Variants in DAPK1 observed in about 807,000 individuals in gnomAD.
DAPK1 encodes the protein death associated protein kinase 1.
Under a neutral mutation model 144.9 loss-of-function variants are expected in DAPK1, and 56 were observed. The observed-to-expected ratio is 0.39, with a 90% CI of 0.31 to 0.48. The LOEUF (loss-of-function observed/expected upper bound fraction) is 0.48, where lower values mean the gene tolerates loss of function less well. Among genes scored for constraint, DAPK1 ranks in the 20% least tolerant of loss-of-function variants. The pLI is 0.95. For synonymous variants in DAPK1, 690 were observed against 749.0 expected (o/e 0.92, Z 1.29); for missense variants, 1,454 against 1,875.4 (o/e 0.78, Z 4.15).
chr9:87,519,838 G>T (rs1443858824), intron 2 of DAPK1, among the ~76,000 whole-genome samples: 1 of 152,126 alleles, frequency 6.6e-6, no homozygotes, highest in Non-Finnish European at 1.5e-5. Context: ...GTAGGGGTGG[G>T]AGGGAAGCCA....
intron 18 of DAPK1, chr9:87,667,921 T>C (rs1028370702): frequency 6.6e-6 from 1 of 152,514 alleles, no homozygotes; most frequent in Non-Finnish European, 1.5e-5. Context: ...CGAGCACATA[T>C]TATGAGGTGG....
At chr9:87,643,497 C>G in intron 11 of DAPK1, 29 bp downstream of exon 11, 1 of 1,415,504 alleles carries the variant, frequency 7.1e-7, no homozygotes, top group South Asian at 1.2e-5. Flanking sequence ...CCTGGTGCTC[C>G]TTTCTTAGCA....
chr9:87,536,584 G>C (rs1373644657), intron 2 of DAPK1, among the ~76,000 whole-genome samples: 2 of 151,840 alleles, frequency 1.3e-5, no homozygotes, highest in Non-Finnish European at 1.5e-5. Flanking sequence ...AAAAATTAAA[G>C]CACTTAAAAT....
At chr9:87,543,675 A>G (rs1329550607) in intron 2 of DAPK1, among the ~76,000 whole-genome samples, 1 of 152,228 alleles carries the variant, frequency 6.6e-6, no homozygotes, top group African/African-American at 2.4e-5. Flanking sequence ...ACTTGGGAAA[A>G]ATGTAAAAGA....
In DAPK1 at chr9:87,641,946, T is replaced by C. The variant is rs1349692940; in HGVS notation, c.829-23T>C. Reference sequence around the variant, plus strand: ...TTTCATAATTTGAGAGCTTTAATTTTTTTTCTTGGATTTTTATTTTAGCCT... The same window carrying C: ...TTTCATAATTTGAGAGCTTTAATTTCTTTTCTTGGATTTTTATTTTAGCCT... On this transcript the variant is annotated intron_variant, in intron 9 of 25. Coordinates refer to ENST00000408954, the MANE Select transcript of DAPK1 (RefSeq NM_004938.4). The C allele has an allele frequency of 1.9e-6, 3 of 1,588,826 alleles. No individual in the cohort carries two copies. In the Admixed American group the frequency reaches 5.3e-5, roughly 28 times the overall value.
intron 3 of DAPK1, among the ~76,000 whole-genome samples, chr9:87,607,137 G>A (rs1828761597): frequency 6.6e-6 from 1 of 152,094 alleles, no homozygotes; most frequent in Non-Finnish European, 1.5e-5. Flanking sequence ...ACTTGCTTAG[G>A]GTACAACAGA....
chr9:87,526,245 A>G (rs550727987), intron 2 of DAPK1, among the ~76,000 whole-genome samples: 4 of 152,332 alleles, frequency 2.6e-5, no homozygotes, highest in Non-Finnish European at 5.9e-5. Flanking sequence ...ATGCATAGTC[A>G]TGGAACTACT....
intron 3 of DAPK1, among the ~76,000 whole-genome samples, chr9:87,605,849 G>T (rs894922073): frequency 1.3e-5 from 2 of 152,080 alleles, no homozygotes; most frequent in African/African-American, 4.8e-5. Context: ...TGCTGAGTGG[G>T]GCCCCACTCC....
At chr9:87,624,709 G>A (rs905454135) in intron 3 of DAPK1, among the ~76,000 whole-genome samples, 1 of 152,188 alleles carries the variant, frequency 6.6e-6, no homozygotes, top group Non-Finnish European at 1.5e-5. Context: ...GACTGACCTC[G>A]AGTCAGCTTT....
At chr9:87,499,212 C>G in intron 2 of DAPK1, 73 bp downstream of exon 2, 2 of 1,303,878 alleles carry the variant, frequency 1.5e-6, no homozygotes, top group Middle Eastern at 1.8e-4. Context: ...GGGTGGTAAA[C>G]AAATGCAGTT....
intron 18 of DAPK1, among the ~76,000 whole-genome samples, chr9:87,663,466 C>T (rs762393345): frequency 1.4e-4 from 21 of 152,226 alleles, no homozygotes; most frequent in Non-Finnish European, 2.8e-4. Flanking sequence ...CTTCCTTTTG[C>T]TTCCTTGTTA....
chr9:87,552,518 C>G (rs897250874), intron 2 of DAPK1, among the ~76,000 whole-genome samples: 5 of 151,990 alleles, frequency 3.3e-5, no homozygotes, highest in African/African-American at 1.2e-4. Flanking sequence ...TGTGGCATCT[C>G]TTTTTATCAA....
At chr9:87,567,208 T>G (rs554948610) in intron 2 of DAPK1, among the ~76,000 whole-genome samples, 1 of 152,230 alleles carries the variant, frequency 6.6e-6, no homozygotes, top group African/African-American at 2.4e-5. Flanking sequence ...CCGTGGTGGC[T>G]GGTGCCAAGT....
At chr9:87,669,768 G>GT (rs1178342491) in intron 19 of DAPK1, among the ~76,000 whole-genome samples, 1 of 151,822 alleles carries the variant, frequency 6.6e-6, no homozygotes, top group African/African-American at 2.4e-5. Flanking sequence ...AGGGGCAGGG[G>GT]GGGGCCACAG....
At chr9:87,660,136 G>C (rs1830790609) in intron 18 of DAPK1, among the ~76,000 whole-genome samples, 1 of 152,150 alleles carries the variant, frequency 6.6e-6, no homozygotes. Context: ...GAGCTCAGCG[G>C]CCTCCAGTGC....
At position 87,632,159 on chromosome 9, in the gene DAPK1, T is replaced by C. The variant is rs944598857; in HGVS notation, c.285-5784T>C. 1.2e-5 allele frequency: 10 copies of C among 814,248 alleles called. No homozygotes were observed. The African/African-American group carries it at 1.8e-4, about 15-fold the overall frequency. The allele number at this position is 814,248 out of a possible 1,614,324, so 50.4% of individuals were successfully genotyped here. ...AAAATACCAGATGGGTATGTATGTA[T>C]GTAGAGATGAAGGAGTATGAGTATA... On this transcript the variant is annotated intron_variant, in intron 3 of 25. Transcript: ENST00000408954.
intron 3 of DAPK1, among the ~76,000 whole-genome samples, chr9:87,606,974 C>T (rs772432078): frequency 2.0e-5 from 3 of 151,678 alleles, no homozygotes; most frequent in Non-Finnish European, 4.4e-5. Context: ...TAGCACTCTT[C>T]CCCCATGTTG....
chr9:87,502,543 C>A (rs1218371329), intron 2 of DAPK1, among the ~76,000 whole-genome samples: 1 of 152,202 alleles, frequency 6.6e-6, no homozygotes, highest in African/African-American at 2.4e-5. Context: ...CACCCTTGGC[C>A]GTCGTTCAGC....
chr9:87,499,394 G>T (rs894192879), intron 2 of DAPK1: 1 of 470,294 alleles, frequency 2.1e-6, no homozygotes, highest in African/African-American at 1.9e-5. Context: ...GACAAAATCA[G>T]ATTTAATTGT....
Sources: gnomAD v4.1 joint callset for allele counts (sites outside exome capture counted in the v4.1 genomes callset) on GRCh38, gnomAD v4.1.1 for gene constraint, MANE v1.5 for transcripts, NCBI Gene and HGNC (gene_info 2026-07-23, HGNC 2026-07-21) for gene names.